DTNB: variants seen among roughly 807,000 people sequenced by gnomAD.
DTNB encodes DTN-B.
A neutral mutation model predicts 90.7 loss-of-function variants in DTNB; 63 were observed. The ratio of observed to expected loss-of-function variants is 0.69; its 90% CI spans 0.57 to 0.86. The LOEUF (loss-of-function observed/expected upper bound fraction) is 0.86. Among genes scored for constraint, DTNB ranks in the 40% least tolerant of loss-of-function variants. DTNB has a pLI of 0.00. For missense variants in DTNB, 744 were observed against 807.1 expected (o/e 0.92, Z 0.95); for synonymous variants, 277 against 286.7 (o/e 0.97, Z 0.34).
At chr2:25,594,647 T>A (rs1297249293) in intron 6 of DTNB, among the ~76,000 whole-genome samples, 1 of 152,210 alleles carries the variant, frequency 6.6e-6, no homozygotes, top group African/African-American at 2.4e-5. Context: ...AACTTTTAGA[T>A]GTGTTCCTTT....
chr2:25,651,566 T>C (rs185667981), intron 2 of DTNB, among the ~76,000 whole-genome samples: 186 of 152,262 alleles, frequency 1.2e-3, no homozygotes, highest in Middle Eastern at 3.4e-3. Context: ...GGACTGCCTA[T>C]CCAATGCCAA....
intron 16 of DTNB, among the ~76,000 whole-genome samples, chr2:25,411,700 G>A (rs774902606): frequency 1.6e-4 from 24 of 152,274 alleles, no homozygotes; most frequent in African/African-American, 1.7e-4. Context: ...CCACTGGCCC[G>A]GCTTGTGTTT....
At chr2:25,504,898 A>C (rs2071981248) in intron 9 of DTNB, among the ~76,000 whole-genome samples, 1 of 150,228 alleles carries the variant, frequency 6.7e-6, no homozygotes, top group Non-Finnish European at 1.5e-5. Context: ...GACATAGCCC[A>C]AAAAGCGTCT....
intron 7 of DTNB, among the ~76,000 whole-genome samples, chr2:25,577,463 T>C (rs949432135): frequency 2.0e-5 from 3 of 149,598 alleles, no homozygotes; most frequent in Non-Finnish European, 4.5e-5. Context: ...AAAACAAAAT[T>C]AGAACTAAAG....
At chr2:25,518,560 C>A (rs1019207662) in intron 9 of DTNB, among the ~76,000 whole-genome samples, 1 of 147,320 alleles carries the variant, frequency 6.8e-6, no homozygotes, top group African/African-American at 2.5e-5. Context: ...GTGCAAGTTC[C>A]CGTCTCCCTC....
rs1456663865 is a variant in DTNB at position 25,669,397 on chromosome 2, C to CT, written c.-2+3988dup. 2.0e-5 allele frequency among the ~76,000 whole-genome samples: 3 copies of CT among 151,948 alleles called. No individual in the cohort carries two copies. In the East Asian group the frequency reaches 5.8e-4, roughly 29 times the overall value. On this transcript the variant is annotated intron_variant, in intron 1 of 20. Transcript: ENST00000406818. ...AATAAATTCCATCTGGAAAGCAAAACTTTTTTAAACTTTTGGAAGAAACTC... is the reference window on the plus strand; with the variant it reads ...AATAAATTCCATCTGGAAAGCAAAACTTTTTTTAAACTTTTGGAAGAAACTC...
At chr2:25,466,899 CT>C (rs2061885854) in intron 10 of DTNB, among the ~76,000 whole-genome samples, 1 of 152,124 alleles carries the variant, frequency 6.6e-6, no homozygotes, top group African/African-American at 2.4e-5. Context: ...AGTGTTAGAC[CT>C]TTAAGGAAGT....
chr2:25,604,206 A>AC (rs1559198905), intron 5 of DTNB, among the ~76,000 whole-genome samples: 6 of 150,944 alleles, frequency 4.0e-5, no homozygotes, highest in Admixed American at 6.6e-5. Flanking sequence ...ACCACCACCA[A>AC]CAACAACAAA....
rs2077677711 is a variant in DTNB at position 25,639,069 on chromosome 2, TC to T, written c.92del (p.Arg31HisfsTer28). The T allele has an allele frequency of 6.3e-7, 1 of 1,587,842 alleles. No individual in the cohort carries two copies. The highest frequency in any genetic ancestry group is 2.3e-5 in the East Asian group (1 of 44,414). On this transcript the variant is annotated frameshift_variant, in exon 3 of 21. Coordinates refer to ENST00000406818, the MANE Select transcript of DTNB (RefSeq NM_021907.5). LOFTEE classifies it high-confidence loss of function. ...EMRAQNFDVI[R>X]LSTYRTACKL... ...TGCAGGCTGTTCTGTAAGTTGATAG[TC>T]GTATGACATCAAAATTCTGAGCACC...
chr2:25,526,387 A>T (rs1303114254), intron 9 of DTNB, among the ~76,000 whole-genome samples: 7 of 55,452 alleles, frequency 1.3e-4, no homozygotes, highest in African/African-American at 7.4e-4. Flanking sequence ...ATATATATAT[A>T]TATATATATT....
intron 8 of DTNB, among the ~76,000 whole-genome samples, chr2:25,543,461 C>T (rs1378746885): frequency 9.2e-5 from 14 of 151,978 alleles, no homozygotes; most frequent in Admixed American, 5.9e-4. Context: ...CGCGCCACCA[C>T]GCCCAGCTAA....
chr2:25,531,481 T>C lies in DTNB; in HGVS notation c.993A>G (p.Ala331=). 1.2e-6 allele frequency: 2 copies of C among 1,613,942 alleles called. No homozygotes were observed. The highest frequency in any genetic ancestry group is 1.7e-6 in the Non-Finnish European group (2 of 1,179,864). Residue 331 remains alanine, a synonymous_variant, in exon 9 of 21, where the codon GCA becomes GCG. Coordinates refer to ENST00000406818, the MANE Select transcript of DTNB (RefSeq NM_021907.5). ...TCCAGGGGTATACTTACACTATATG[T>C]GCAAGGTCAAGTGGTTTCTCTGGTT... ...PEQPEKPLDL[A]HIVPPRPLTN...
intron 16 of DTNB, among the ~76,000 whole-genome samples, chr2:25,403,234 G>C (rs969797244): frequency 6.6e-5 from 10 of 152,176 alleles, no homozygotes; most frequent in Non-Finnish European, 1.5e-4. Context: ...TTGTGCCTCA[G>C]CCTCCAGAAT....
At chr2:25,416,804 CGAAGGAAGGAAGGAAGGAAGGAAG>C (rs56106629) in intron 16 of DTNB, among the ~76,000 whole-genome samples, 2 of 129,962 alleles carry the variant, frequency 1.5e-5, no homozygotes, top group Non-Finnish European at 3.4e-5. Context: ...AAGGAAGGAA[CGAAGGAAGGAAGGAAGGAAGGAAG>C]GAAGGAAGGA....
chr2:25,377,845 G>A (rs1434698851), intron 20 of DTNB, among the ~76,000 whole-genome samples: 1 of 152,154 alleles, frequency 6.6e-6, no homozygotes, highest in African/African-American at 2.4e-5. Flanking sequence ...GAGGTGTGCC[G>A]ATGAATACTA....
intron 2 of DTNB, among the ~76,000 whole-genome samples, chr2:25,648,796 A>G (rs2148908627): frequency 6.6e-6 from 1 of 152,230 alleles, no homozygotes; most frequent in South Asian, 2.1e-4. Flanking sequence ...CATCTGATAA[A>G]ATTCAATATT....
At chr2:25,595,155 C>T (rs752021627) in intron 6 of DTNB, 18 of 152,146 alleles carry the variant, frequency 1.2e-4, no homozygotes, top group African/African-American at 3.6e-4. Context: ...CAGGAGTTAC[C>T]GGAGAAGTGA....
chr2:25,447,499 CTTTTTTTTTTT>C (rs34508984), intron 12 of DTNB, among the ~76,000 whole-genome samples: 11 of 116,028 alleles, frequency 9.5e-5, no homozygotes, highest in African/African-American at 3.2e-4. Flanking sequence ...AGCTAGTTAT[CTTTTTTTTTTT>C]TTTTTTTTTT....
chr2:25,631,615 C>T (rs1456077817), intron 3 of DTNB, among the ~76,000 whole-genome samples: 1 of 150,978 alleles, frequency 6.6e-6, no homozygotes, highest in Non-Finnish European at 1.5e-5. Flanking sequence ...AAGAAAGATA[C>T]AGGAACTTTA....
Sources: allele counts gnomAD v4.1 joint callset (sites outside exome capture counted in the v4.1 genomes callset), GRCh38; gene constraint gnomAD v4.1.1; transcripts MANE v1.5; gene names NCBI Gene and HGNC (gene_info 2026-07-23, HGNC 2026-07-21).